SGCZ: variants seen among roughly 807,000 people sequenced by gnomAD.
SGCZ encodes the protein zeta-sarcoglycan.
SGCZ carries 40 observed loss-of-function variants against 41.3 expected under a neutral mutation model. That is an observed-to-expected ratio of 0.97 (90% confidence interval 0.75 to 1.26). The LOEUF (loss-of-function observed/expected upper bound fraction) is 1.26. Among genes scored for constraint, SGCZ ranks in the 50% most tolerant of loss-of-function variants. The pLI is 0.00. For synonymous variants in SGCZ, 206 were observed against 137.5 expected (o/e 1.50, Z -3.49); for missense variants, 552 against 369.8 (o/e 1.49, Z -4.04).
intron 1 of SGCZ, among the ~76,000 whole-genome samples, chr8:14,979,904 A>G (rs761209982): frequency 7.2e-5 from 11 of 152,042 alleles, no homozygotes; most frequent in South Asian, 4.1e-4. Flanking sequence ...TTTATTTTGT[A>G]TTTTTTCTCA....
intron 1 of SGCZ, among the ~76,000 whole-genome samples, chr8:15,230,495 T>C (rs1218646780): frequency 6.6e-6 from 1 of 152,224 alleles, no homozygotes; most frequent in African/African-American, 2.4e-5. Flanking sequence ...GAAGATAATA[T>C]TCAGCAGAAA....
At chr8:15,056,266 C>A (rs1456343901) in intron 1 of SGCZ, among the ~76,000 whole-genome samples, 1 of 152,136 alleles carries the variant, frequency 6.6e-6, no homozygotes, top group Admixed American at 6.5e-5. Flanking sequence ...TCTTCCTATT[C>A]TTCTCTTTGC....
chr8:15,046,456 T>G (rs1315500089), intron 1 of SGCZ, among the ~76,000 whole-genome samples: 2 of 152,084 alleles, frequency 1.3e-5, no homozygotes, highest in African/African-American at 2.4e-5. Flanking sequence ...TTAGTATTAT[T>G]TATCTTGATG....
At chr8:15,043,954 C>G (rs1163732651) in intron 1 of SGCZ, among the ~76,000 whole-genome samples, 3 of 152,082 alleles carry the variant, frequency 2.0e-5, no homozygotes, top group Non-Finnish European at 4.4e-5. Context: ...AAGGTTCTCT[C>G]TGGAAAAGAG....
chr8:15,000,153 G>A (rs762500013), intron 1 of SGCZ, among the ~76,000 whole-genome samples: 12 of 152,094 alleles, frequency 7.9e-5, no homozygotes, highest in Non-Finnish European at 1.8e-4. Context: ...ATGATGGGAC[G>A]GCAGGAGGGC....
At chr8:15,194,023 T>C (rs1431559597) in intron 1 of SGCZ, among the ~76,000 whole-genome samples, 1 of 152,204 alleles carries the variant, frequency 6.6e-6, no homozygotes, top group Non-Finnish European at 1.5e-5. Context: ...TTAGAGTATA[T>C]GTTTTCTGAG....
At chr8:14,102,104 A>ATATATATAT (rs58555468) in intron 7 of SGCZ, among the ~76,000 whole-genome samples, 1 of 76,312 alleles carries the variant, frequency 1.3e-5, no homozygotes, top group African/African-American at 6.3e-5. Flanking sequence ...ATATATATAT[A>ATATATATAT]ATTTTTTTTT....
chr8:14,868,813 C>G (rs1156956388), intron 1 of SGCZ, among the ~76,000 whole-genome samples: 3 of 152,138 alleles, frequency 2.0e-5, no homozygotes, highest in Non-Finnish European at 4.4e-5. Flanking sequence ...GCAAACACCT[C>G]TACGCAAATA....
chr8:14,754,905 T>G (rs1039312311), intron 1 of SGCZ, among the ~76,000 whole-genome samples: 2 of 152,056 alleles, frequency 1.3e-5, no homozygotes, highest in African/African-American at 4.8e-5. Context: ...TTTCTTTCTA[T>G]TTATTTGTAG....
At chr8:14,841,480 C>T (rs1802908150) in intron 1 of SGCZ, among the ~76,000 whole-genome samples, 1 of 152,106 alleles carries the variant, frequency 6.6e-6, no homozygotes, top group South Asian at 2.1e-4. Context: ...CACATAATTG[C>T]ATGATTGGTT....
intron 1 of SGCZ, among the ~76,000 whole-genome samples, chr8:14,972,597 T>G (rs1399298059): frequency 1.3e-5 from 2 of 152,188 alleles, no homozygotes; most frequent in Non-Finnish European, 1.5e-5. Flanking sequence ...TTAGTTGGAT[T>G]AACTGATTTT....
At chr8:14,534,344 ACT>A (rs34446117) in intron 2 of SGCZ, among the ~76,000 whole-genome samples, 33,469 of 151,780 alleles carry the variant, frequency 0.22, 4,624 homozygotes, top group Non-Finnish European at 0.32. Context: ...TTCTGTCTAA[ACT>A]CTCTGAAACT....
At chr8:15,225,311 A>T (rs1381330312) in intron 1 of SGCZ, among the ~76,000 whole-genome samples, 1 of 152,196 alleles carries the variant, frequency 6.6e-6, no homozygotes, top group African/African-American at 2.4e-5. Flanking sequence ...AGGAACACAA[A>T]AAAAAAGATA....
At position 15,114,973 on chromosome 8, in the gene SGCZ, C is replaced by A. The variant is rs1187298421; in HGVS notation, c.39+122612G>T. ...ATGGGCCTAAGTAAGGATGTGCAAGCAAGCTTACAAAATAATAGTACATTA... is the reference window on the plus strand; with the variant it reads ...ATGGGCCTAAGTAAGGATGTGCAAGAAAGCTTACAAAATAATAGTACATTA... On this transcript the variant is annotated intron_variant, in intron 1 of 7. Transcript: ENST00000382080. 2.0e-5 allele frequency among the ~76,000 whole-genome samples: 3 copies of A among 152,042 alleles called. 1 individual carries two copies. The South Asian group carries it at 6.3e-4, about 32-fold the overall frequency.
At position 14,784,902 on chromosome 8, in the gene SGCZ, C is replaced by CA. The variant is rs1182679983; in HGVS notation, c.40-229977dup. On this transcript the variant is annotated intron_variant, in intron 1 of 7. Coordinates refer to ENST00000382080, the MANE Select transcript of SGCZ (RefSeq NM_139167.4). ...GGGTAACAAGAGTGAAACTCTGCCT[C>CA]AAAAAAAAAAAATATATATATATAT... is the stretch of plus-strand genomic sequence containing the variant. Among the ~76,000 whole-genome samples the CA allele has an allele frequency of 1.1e-3, 45 of 39,562 alleles. 1 individual carries two copies. The highest frequency in any genetic ancestry group is 2.9e-3 in the South Asian group (3 of 1,038). The allele number at this position is 39,562 out of a possible 152,430, so 26.0% of individuals were successfully genotyped here. A position where few individuals can be genotyped will look rare whatever the true frequency, so the allele number is the denominator to read the frequency against.
At chr8:14,628,236 G>A (rs933234409) in intron 1 of SGCZ, among the ~76,000 whole-genome samples, 1 of 152,042 alleles carries the variant, frequency 6.6e-6, no homozygotes, top group Admixed American at 6.6e-5. Context: ...ATCCCATCTT[G>A]ATCATGAAAA....
intron 2 of SGCZ, among the ~76,000 whole-genome samples, chr8:14,351,987 A>C (rs1803115136): frequency 6.6e-6 from 1 of 152,080 alleles, no homozygotes; most frequent in African/African-American, 2.4e-5. Flanking sequence ...GTCCTTTTAC[A>C]ATTATTTAGA....
At chr8:14,780,336 T>C (rs1473436619) in intron 1 of SGCZ, among the ~76,000 whole-genome samples, 2 of 148,800 alleles carry the variant, frequency 1.3e-5, no homozygotes, top group African/African-American at 2.5e-5. Context: ...GATTGCGCCA[T>C]TGCACTCCAG....
chr8:15,141,631 C>T (rs944035923), intron 1 of SGCZ, among the ~76,000 whole-genome samples: 2 of 152,152 alleles, frequency 1.3e-5, no homozygotes, highest in Non-Finnish European at 2.9e-5. Flanking sequence ...CATCCATGCA[C>T]GGTGGCTCAC....
Sources: gnomAD v4.1 joint callset for allele counts (sites outside exome capture counted in the v4.1 genomes callset) on GRCh38, gnomAD v4.1.1 for gene constraint, MANE v1.5 for transcripts, NCBI Gene and HGNC (gene_info 2026-07-23, HGNC 2026-07-21) for gene names.